TBC1D19: variants seen among roughly 807,000 people sequenced by gnomAD.
TBC1D19 encodes the protein TBC1 domain family, member 19.
A neutral mutation model predicts 89.0 loss-of-function variants in TBC1D19; 60 were observed. That is an observed-to-expected ratio of 0.67 (90% confidence interval 0.55 to 0.84). The LOEUF (loss-of-function observed/expected upper bound fraction) is 0.84. Among genes scored for constraint, TBC1D19 ranks in the 40% least tolerant of loss-of-function variants. The pLI, the probability that TBC1D19 is intolerant of heterozygous loss-of-function variation, is 0.00. For synonymous variants in TBC1D19, 189 were observed against 199.7 expected (o/e 0.95, Z 0.45); for missense variants, 500 against 610.8 (o/e 0.82, Z 1.91).
the TBC1D19 span, among the ~76,000 whole-genome samples, chr4:26,842,875 G>A: frequency 6.6e-6 from 1 of 152,018 alleles, no homozygotes; most frequent in African/African-American, 2.4e-5. Flanking sequence ...TTGCTAAATT[G>A]TTGAATGGAT....
intron 13 of TBC1D19, among the ~76,000 whole-genome samples, chr4:26,692,417 G>A (rs1268269549): frequency 1.3e-5 from 2 of 152,142 alleles, no homozygotes; most frequent in African/African-American, 4.8e-5. Context: ...GGTTCCACAT[G>A]GGAAAGGCAA....
intron 6 of TBC1D19, among the ~76,000 whole-genome samples, chr4:26,639,464 G>A (rs766655223): frequency 1.3e-5 from 2 of 152,054 alleles, no homozygotes; most frequent in African/African-American, 4.8e-5. Flanking sequence ...TAAATATTGT[G>A]CAAGCTTAAT....
chr4:26,697,610 T>C (rs1237787526), intron 13 of TBC1D19, among the ~76,000 whole-genome samples: 1 of 129,086 alleles, frequency 7.7e-6, no homozygotes, highest in African/African-American at 2.5e-5. Context: ...GCAAAAATCC[T>C]CAATAAAATA....
chr4:26,620,492 A>G (rs529483589), intron 3 of TBC1D19, 121 bp from the exon 4 acceptor site: 8 of 776,164 alleles, frequency 1.0e-5, no homozygotes, highest in African/African-American at 5.2e-5. Context: ...TAAAAACAGT[A>G]CATTTTGAAT....
At chr4:26,722,319 A>G (rs1055293163) in intron 15 of TBC1D19, among the ~76,000 whole-genome samples, 23 of 152,188 alleles carry the variant, frequency 1.5e-4, no homozygotes, top group African/African-American at 4.6e-4. Context: ...AGAGTTGTCC[A>G]TGGACTCAAG....
At chr4:26,595,394 A>T (rs1740144047) in intron 1 of TBC1D19, among the ~76,000 whole-genome samples, 1 of 152,164 alleles carries the variant, frequency 6.6e-6, no homozygotes, top group Non-Finnish European at 1.5e-5. Flanking sequence ...TATCTTTCTA[A>T]GAGCAGAAAT....
chr4:26,848,639 C>CA, the TBC1D19 span, among the ~76,000 whole-genome samples: 1 of 152,156 alleles, frequency 6.6e-6, no homozygotes, highest in Non-Finnish European at 1.5e-5. Flanking sequence ...AGCTCCCTGG[C>CA]AGCCAAAAAA....
At chr4:26,714,379 G>A (rs1008501265) in intron 13 of TBC1D19, among the ~76,000 whole-genome samples, 30 of 152,090 alleles carry the variant, frequency 2.0e-4, no homozygotes, top group African/African-American at 7.2e-4. Flanking sequence ...ATTGTGTATG[G>A]TGCTCCTACC....
chr4:26,666,930 A>T (rs1218379353), intron 9 of TBC1D19, among the ~76,000 whole-genome samples: 1 of 151,924 alleles, frequency 6.6e-6, no homozygotes, highest in African/African-American at 2.4e-5. Flanking sequence ...GGAGCCCCGT[A>T]TTGTAGTGGA....
chr4:26,579,983 C>T (rs150568769), upstream of TBC1D19, among the ~76,000 whole-genome samples: 3 of 152,286 alleles, frequency 2.0e-5, no homozygotes, highest in Non-Finnish European at 4.4e-5. Context: ...ACTGAACCAA[C>T]CTTGGGACTC....
downstream of TBC1D19, among the ~76,000 whole-genome samples, chr4:26,760,202 G>A (rs1719410006): frequency 6.6e-6 from 1 of 152,040 alleles, no homozygotes; most frequent in Non-Finnish European, 1.5e-5. Flanking sequence ...ATACTTATTT[G>A]CCATTTATAC....
intron 18 of TBC1D19, among the ~76,000 whole-genome samples, chr4:26,745,486 A>G (rs1718599744): frequency 7.2e-6 from 1 of 138,090 alleles, no homozygotes. Context: ...CATGAGGTTT[A>G]CAATATACTT....
chr4:26,624,372 CT>C (rs11315141), intron 4 of TBC1D19, among the ~76,000 whole-genome samples: 57,138 of 151,324 alleles, frequency 0.38, 11,760 homozygotes, highest in Non-Finnish European at 0.47. Flanking sequence ...ATAGTAATTG[CT>C]TTTTTTTTAT....
the TBC1D19 span, among the ~76,000 whole-genome samples, chr4:26,851,357 C>CTATCTGTCTATCTATT: frequency 4.0e-5 from 6 of 151,140 alleles, no homozygotes; most frequent in African/African-American, 1.5e-4. Flanking sequence ...ATCTATCTAT[C>CTATCTGTCTATCTATT]TATCATCTAT....
chr4:26,711,614 A>G (rs1409252753), intron 13 of TBC1D19, among the ~76,000 whole-genome samples: 2 of 152,030 alleles, frequency 1.3e-5, no homozygotes, highest in Admixed American at 1.3e-4. Context: ...CATAGTTCAG[A>G]CTTACACATT....
intron 1 of TBC1D19, among the ~76,000 whole-genome samples, chr4:26,592,800 C>G (rs902806516): frequency 1.6e-4 from 25 of 151,998 alleles, no homozygotes; most frequent in Admixed American, 1.1e-3. Flanking sequence ...AGGACCTCTT[C>G]AAGGAGAACT....
intron 2 of TBC1D19, among the ~76,000 whole-genome samples, 187 bp from the exon 3 acceptor site, chr4:26,614,221 A>G (rs1034428887): frequency 6.6e-6 from 1 of 152,238 alleles, no homozygotes; most frequent in Non-Finnish European, 1.5e-5. Flanking sequence ...ACTCAGTGTT[A>G]GACAAGGGAT....
intron 7 of TBC1D19, among the ~76,000 whole-genome samples, chr4:26,646,537 C>G (rs1743971245): frequency 6.6e-6 from 1 of 152,052 alleles, no homozygotes; most frequent in Non-Finnish European, 1.5e-5. Context: ...GTACTATTCA[C>G]AATAGCAAAG....
At chr4:26,824,281 C>A in the TBC1D19 span, among the ~76,000 whole-genome samples, 4 of 152,164 alleles carry the variant, frequency 2.6e-5, no homozygotes, top group Non-Finnish European at 5.9e-5. Context: ...TCCAGCCATG[C>A]CGGAAGCATG....
Sources: allele counts gnomAD v4.1 joint callset (sites outside exome capture counted in the v4.1 genomes callset), GRCh38; gene constraint gnomAD v4.1.1; transcripts MANE v1.5; gene names NCBI Gene and HGNC (gene_info 2026-07-23, HGNC 2026-07-21).